CORO1C: variants seen among roughly 807,000 people sequenced by gnomAD.
CORO1C encodes the protein coronin 1C, also known as coronin-1C.
CORO1C carries 14 observed loss-of-function variants against 51.2 expected under a neutral mutation model. The observed-to-expected ratio is 0.27, with a 90% confidence interval of 0.18 to 0.43. The LOEUF (loss-of-function observed/expected upper bound fraction) is 0.43. CORO1C is among the 20% of genes least tolerant of loss of function. The pLI, the probability that CORO1C is intolerant of heterozygous loss-of-function variation, is 1.00. For missense variants in CORO1C, 417 were observed against 607.8 expected (o/e 0.69, Z 3.30); for synonymous variants, 181 against 210.5 (o/e 0.86, Z 1.21).
At chr12:108,667,881 A>T (rs1190723929) in intron 3 of CORO1C, among the ~76,000 whole-genome samples, 2 of 152,218 alleles carry the variant, frequency 1.3e-5, no homozygotes, top group Admixed American at 1.3e-4. Context: ...CAAGAGAACA[A>T]TCCCAACAAG....
In CORO1C at chr12:108,652,358, G is replaced by A. The variant is rs781521935; in HGVS notation, c.915C>T (p.Leu305=). 1.9e-6 allele frequency: 3 copies of A among 1,613,732 alleles called. No homozygotes were observed. The highest frequency in any genetic ancestry group is 2.7e-5 in the African/African-American group (2 of 75,022). The change falls in exon 8 of 11, where the codon CTC becomes CTT. Residue 305 remains leucine (L), a synonymous_variant. Transcript: ENST00000261401. The stretch of plus-strand genomic sequence containing the variant: ...GAGGCTCCTTGCTGCTGAATGTGTT[G>A]AGGTAGTGGACGTACGGGGATTCAT... ...ITDESPYVHY[L]NTFSSKEPQR...
At chr12:108,654,551 A>G (rs1248959945) in intron 6 of CORO1C, 141 bp from the exon 7 acceptor site, 3 of 514,584 alleles carry the variant, frequency 5.8e-6, no homozygotes, top group Non-Finnish European at 1.0e-5. Context: ...AACTATGCAC[A>G]TACAATACTC....
At chr12:108,718,549 AAAAG>A (rs2035398321) in intron 1 of CORO1C, among the ~76,000 whole-genome samples, 1 of 151,888 alleles carries the variant, frequency 6.6e-6, no homozygotes, top group South Asian at 2.1e-4. Context: ...CTCAAAAACA[AAAAG>A]AAAGAAAGAA....
intron 1 of CORO1C, 143 bp from the exon 2 acceptor site, chr12:108,701,466 A>C: frequency 1.5e-6 from 2 of 1,355,838 alleles, no homozygotes; most frequent in Non-Finnish European, 2.0e-6. Context: ...ATTGCAATCC[A>C]AATTTCTTTT....
chr12:108,683,740 TCAC>T (rs2034204375), intron 2 of CORO1C, among the ~76,000 whole-genome samples: 1 of 152,056 alleles, frequency 6.6e-6, no homozygotes. Flanking sequence ...ACTCTACCCA[TCAC>T]CACCTCCCAA....
chr12:108,687,225 A>G (rs1468788864), intron 2 of CORO1C, among the ~76,000 whole-genome samples: 1 of 152,222 alleles, frequency 6.6e-6, no homozygotes. Flanking sequence ...TTGCTATAAA[A>G]GGAAAGTTCA....
intron 1 of CORO1C, among the ~76,000 whole-genome samples, chr12:108,712,532 C>T (rs952262749): frequency 7.0e-6 from 1 of 142,546 alleles, no homozygotes; most frequent in African/African-American, 2.6e-5. Context: ...CAGGATTGTG[C>T]CACTACACCC....
At chr12:108,657,270 G>A in intron 6 of CORO1C, 34 bp downstream of exon 6, 8 of 1,606,200 alleles carry the variant, frequency 5.0e-6, no homozygotes, top group Non-Finnish European at 6.8e-6. Context: ...GAAAGCTCAA[G>A]TGAAAGCAAG....
intron 3 of CORO1C, among the ~76,000 whole-genome samples, chr12:108,673,797 G>A (rs984854951): frequency 5.3e-5 from 8 of 152,058 alleles, no homozygotes; most frequent in African/African-American, 1.7e-4. Flanking sequence ...GTTAATGGGT[G>A]CAGCACACCA....
chr12:108,710,940 C>A (rs1468938571), intron 1 of CORO1C, among the ~76,000 whole-genome samples: 5 of 152,094 alleles, frequency 3.3e-5, no homozygotes, highest in African/African-American at 1.2e-4. Context: ...GGTTTAAAGG[C>A]TTTATGTGTC....
intron 1 of CORO1C, among the ~76,000 whole-genome samples, chr12:108,705,799 GA>G (rs1271570546): frequency 6.6e-6 from 1 of 152,166 alleles, no homozygotes; most frequent in Non-Finnish European, 1.5e-5. Flanking sequence ...TTTATCCTAG[GA>G]ATGCGAGGTT....
At chr12:108,690,649 T>C (rs1273905798) in intron 2 of CORO1C, among the ~76,000 whole-genome samples, 1 of 152,238 alleles carries the variant, frequency 6.6e-6, no homozygotes, top group South Asian at 2.1e-4. Context: ...AGTAGCTGTA[T>C]TTCCTAACTT....
At position 108,652,483 on chromosome 12, in the gene CORO1C, C is replaced by A. The variant is rs144623415; in HGVS notation, c.856-66G>T. 6.4e-4 allele frequency: 866 copies of A among 1,352,000 alleles called. 2 individuals are homozygous for A. The highest frequency in any genetic ancestry group is 3.1e-3 in the Admixed American group (176 of 56,904). The allele number at this position is 1,352,000 out of a possible 1,614,324, so 83.8% of individuals were successfully genotyped here. On this transcript the variant is annotated intron_variant, in intron 7 of 10. Coordinates refer to ENST00000261401, the MANE Select transcript of CORO1C (RefSeq NM_014325.4). ...TGAAACATCTGGATTATGGGGGTGTCTCTCTCCTCTACAAACCCAGCAGTA... is the reference window on the plus strand; with the variant it reads ...TGAAACATCTGGATTATGGGGGTGTATCTCTCCTCTACAAACCCAGCAGTA...
chr12:108,675,489 C>T (rs538960729), intron 3 of CORO1C, among the ~76,000 whole-genome samples: 1 of 151,302 alleles, frequency 6.6e-6, no homozygotes, highest in Non-Finnish European at 1.5e-5. Flanking sequence ...ATGAAAGGAA[C>T]GGGGAAAAAA....
chr12:108,679,918 T>C (rs1007578741), intron 2 of CORO1C, among the ~76,000 whole-genome samples: 2 of 152,240 alleles, frequency 1.3e-5, no homozygotes, highest in Admixed American at 6.5e-5. Flanking sequence ...AGAACACTTT[T>C]AGATAAATCA....
chr12:108,723,156 A>G (rs2035512464), intron 1 of CORO1C, among the ~76,000 whole-genome samples: 1 of 152,202 alleles, frequency 6.6e-6, no homozygotes, highest in Non-Finnish European at 1.5e-5. Flanking sequence ...AAATTAATTC[A>G]CCATCTAGCT....
intron 2 of CORO1C, among the ~76,000 whole-genome samples, chr12:108,685,846 T>C (rs1269278906): frequency 1.3e-5 from 2 of 152,170 alleles, no homozygotes; most frequent in Non-Finnish European, 2.9e-5. Flanking sequence ...TGGGGGTAGA[T>C]GGCATTTTAA....
chr12:108,710,888 A>C (rs2035161693), intron 1 of CORO1C, among the ~76,000 whole-genome samples: 1 of 152,152 alleles, frequency 6.6e-6, no homozygotes, highest in Non-Finnish European at 1.5e-5. Flanking sequence ...TGTTGGGTGA[A>C]TATTTTAACC....
intron 1 of CORO1C, among the ~76,000 whole-genome samples, chr12:108,704,524 T>C (rs940914670): frequency 6.6e-6 from 1 of 151,888 alleles, no homozygotes; most frequent in African/African-American, 2.4e-5. Flanking sequence ...TCATCCTAAA[T>C]ACATGTGGAT....
Sources: allele counts gnomAD v4.1 joint callset (sites outside exome capture counted in the v4.1 genomes callset), GRCh38; gene constraint gnomAD v4.1.1; transcripts MANE v1.5; gene names NCBI Gene and HGNC (gene_info 2026-07-23, HGNC 2026-07-21).